ZNF385D: variants seen among roughly 807,000 people sequenced by gnomAD.
ZNF385D encodes the protein zinc finger protein 385D.
ZNF385D carries 15 observed loss-of-function variants against 35.8 expected under a neutral mutation model. The ratio of observed to expected loss-of-function variants is 0.42; its 90% CI spans 0.28 to 0.64. ZNF385D has a LOEUF of 0.64. Ranked by LOEUF, ZNF385D falls within the 30% of genes least tolerant of loss-of-function variation. ZNF385D has a pLI of 0.23. For synonymous variants in ZNF385D, 212 were observed against 186.8 expected (o/e 1.13, Z -1.10); for missense variants, 474 against 494.6 (o/e 0.96, Z 0.39).
chr3:22,349,394 A>G (rs75664817), intron 2 of ZNF385D, among the ~76,000 whole-genome samples: 183 of 152,326 alleles, frequency 1.2e-3, no homozygotes, highest in Admixed American at 1.6e-3. Flanking sequence ...AAGACTGCTC[A>G]GTGTGGAGGT....
chr3:21,949,786 T>C (rs1169811302), intron 3 of ZNF385D, among the ~76,000 whole-genome samples: 1 of 152,084 alleles, frequency 6.6e-6, no homozygotes, highest in Non-Finnish European at 1.5e-5. Flanking sequence ...GACTCCCACT[T>C]GTGAGTGAGA....
intron 2 of ZNF385D, among the ~76,000 whole-genome samples, chr3:22,242,702 A>G (rs1699564196): frequency 6.6e-6 from 1 of 151,156 alleles, no homozygotes; most frequent in South Asian, 2.2e-4. Context: ...ATTAACAAAA[A>G]TATCAGGAGA....
intron 2 of ZNF385D, among the ~76,000 whole-genome samples, chr3:22,196,907 A>T (rs1057056079): frequency 6.6e-6 from 1 of 152,048 alleles, no homozygotes; most frequent in Admixed American, 6.6e-5. Context: ...GCAGGTGGCA[A>T]ATTCTTTCAC....
chr3:21,695,972 T>C (rs1280027082), intron 1 of ZNF385D, among the ~76,000 whole-genome samples: 2 of 152,168 alleles, frequency 1.3e-5, no homozygotes, highest in Admixed American at 6.5e-5. Flanking sequence ...AACTCCCATA[T>C]ATGAATTCTC....
chr3:22,364,947 A>T (rs775656291), intron 2 of ZNF385D, among the ~76,000 whole-genome samples: 1 of 151,968 alleles, frequency 6.6e-6, no homozygotes, highest in Non-Finnish European at 1.5e-5. Flanking sequence ...GACACATGTT[A>T]CAACATGGAT....
At chr3:21,774,221 G>A (rs1213558855) in intron 3 of ZNF385D, among the ~76,000 whole-genome samples, 1 of 151,770 alleles carries the variant, frequency 6.6e-6, no homozygotes, top group Non-Finnish European at 1.5e-5. Context: ...TGAATGATGA[G>A]AAGACATGGA....
intron 3 of ZNF385D, among the ~76,000 whole-genome samples, chr3:22,011,072 C>T (rs1008217877): frequency 1.3e-5 from 2 of 152,146 alleles, no homozygotes; most frequent in South Asian, 2.1e-4. Flanking sequence ...CTACAAAATT[C>T]GTTAATGAAT....
intron 3 of ZNF385D, among the ~76,000 whole-genome samples, chr3:21,990,263 G>A: frequency 6.6e-6 from 1 of 152,204 alleles, no homozygotes; most frequent in East Asian, 1.9e-4. Context: ...TGGCATAAAT[G>A]TAATACTTTC....
rs1695141184 is a variant in ZNF385D, at chr3:21,991,468, T to TA, written c.325+177348dup. 2.6e-5 allele frequency among the ~76,000 whole-genome samples: 4 copies of TA among 152,318 alleles called. No homozygotes were observed. In the South Asian group the frequency reaches 8.3e-4, roughly 32 times the overall value. Reference sequence around the variant, plus strand: ...TTGGGGTATGTATGTGTGTATTTGATAAAACTGTGGTAATTATGCAGCTAA... The same window carrying TA: ...TTGGGGTATGTATGTGTGTATTTGATAAAAACTGTGGTAATTATGCAGCTAA... On this transcript the variant is annotated intron_variant, in intron 3 of 5. Coordinates refer to the ZNF385D transcript ENST00000494108.
intron 3 of ZNF385D, among the ~76,000 whole-genome samples, chr3:21,544,218 T>G (rs2062291379): frequency 6.6e-6 from 1 of 152,204 alleles, no homozygotes; most frequent in Non-Finnish European, 1.5e-5. Flanking sequence ...TGTTGGGTTT[T>G]GAGAACTATT....
intron 2 of ZNF385D, among the ~76,000 whole-genome samples, chr3:22,269,407 A>G (rs565059958): frequency 1.3e-5 from 2 of 152,082 alleles, no homozygotes; most frequent in African/African-American, 4.8e-5. Context: ...TAAAATAGGC[A>G]CTTTCTAGAA....
chr3:21,699,812 T>C (rs1012433506), intron 1 of ZNF385D, among the ~76,000 whole-genome samples: 1 of 150,830 alleles, frequency 6.6e-6, no homozygotes, highest in South Asian at 2.1e-4. Context: ...GTTCATGTTA[T>C]GTTTCTTTTC....
chr3:22,165,710 A>G (rs974962779), intron 3 of ZNF385D, among the ~76,000 whole-genome samples: 1 of 152,118 alleles, frequency 6.6e-6, no homozygotes, highest in Non-Finnish European at 1.5e-5. Context: ...TTTCCAGCAA[A>G]TATTACTGGT....
At chr3:21,556,562 G>C (rs1419835046) in intron 3 of ZNF385D, among the ~76,000 whole-genome samples, 1 of 152,078 alleles carries the variant, frequency 6.6e-6, no homozygotes, top group Non-Finnish European at 1.5e-5. Flanking sequence ...TGAGGCTTCT[G>C]TTCTCTTCCA....
intron 2 of ZNF385D, among the ~76,000 whole-genome samples, chr3:22,352,882 T>C (rs774871056): frequency 3.9e-5 from 6 of 152,114 alleles, no homozygotes; most frequent in African/African-American, 9.7e-5. Flanking sequence ...TTGTTAAGAG[T>C]CACTCAATAT....
intron 3 of ZNF385D, among the ~76,000 whole-genome samples, chr3:22,093,490 A>C (rs977394421): frequency 2.0e-5 from 3 of 152,082 alleles, no homozygotes; most frequent in Non-Finnish European, 4.4e-5. Flanking sequence ...TCTTTCACAA[A>C]GGATAATATT....
At chr3:22,363,853 A>G (rs1045966817) in intron 2 of ZNF385D, among the ~76,000 whole-genome samples, 1 of 152,140 alleles carries the variant, frequency 6.6e-6, no homozygotes, top group Non-Finnish European at 1.5e-5. Flanking sequence ...TCACATTTAT[A>G]CAACTCAATT....
chr3:21,683,232 C>T (rs937943061), intron 1 of ZNF385D, among the ~76,000 whole-genome samples: 1 of 149,762 alleles, frequency 6.7e-6, no homozygotes, highest in African/African-American at 2.5e-5. Context: ...TATGACAACC[C>T]CCAAGATTTC....
At chr3:21,836,833 C>T (rs548341242) in intron 3 of ZNF385D, among the ~76,000 whole-genome samples, 27 of 152,128 alleles carry the variant, frequency 1.8e-4, no homozygotes, top group African/African-American at 6.3e-4. Flanking sequence ...AGGTAGTTTG[C>T]AGACGCTGCC....
Sources: allele counts gnomAD v4.1 joint callset (sites outside exome capture counted in the v4.1 genomes callset), GRCh38; gene constraint gnomAD v4.1.1; transcripts MANE v1.5; gene names NCBI Gene and HGNC (gene_info 2026-07-23, HGNC 2026-07-21).